GRM5: variants seen among roughly 807,000 people sequenced by gnomAD.
GRM5 encodes glutamate metabotropic receptor 5.
GRM5 carries 19 observed loss-of-function variants against 83.1 expected under a neutral mutation model. The ratio of observed to expected loss-of-function variants is 0.23; its 90% confidence interval spans 0.16 to 0.34. The LOEUF (loss-of-function observed/expected upper bound fraction) is 0.34. Among genes scored for constraint, GRM5 ranks in the 10% least tolerant of loss-of-function variants. The pLI is 1.00. For missense variants in GRM5, 1,160 were observed against 1,588.3 expected (o/e 0.73, Z 4.58); for synonymous variants, 675 against 633.6 (o/e 1.07, Z -0.98).
In GRM5 at chr11:88,878,116, C is replaced by T. The variant is rs368171955; in HGVS notation, c.662-27961G>A. Among the ~76,000 whole-genome samples, 357 of 152,224 alleles carry T rather than the reference C, an allele frequency of 2.3e-3. 2 individuals are homozygous for T. Among genetic ancestry groups the T allele is most frequent in the African/African-American group, 8.3e-3 (345 of 41,554 alleles). The stretch of plus-strand genomic sequence containing the variant: ...GCAATTTATGTTCACAGAAAATCTA[C>T]ACAAGGTTTATTTATTTACTCCAGG... On this transcript the variant is annotated intron_variant, in intron 2 of 9. Coordinates refer to ENST00000305447, the MANE Select transcript of GRM5 (RefSeq NM_001143831.3).
At chr11:88,929,404 T>C (rs953154170) in intron 2 of GRM5, among the ~76,000 whole-genome samples, 2 of 152,122 alleles carry the variant, frequency 1.3e-5, no homozygotes, top group African/African-American at 4.8e-5. Context: ...AAATTAAAAA[T>C]ACATTTAATA....
At chr11:89,053,225 G>A (rs1305361550) in intron 1 of GRM5, among the ~76,000 whole-genome samples, 11 of 152,038 alleles carry the variant, frequency 7.2e-5, no homozygotes, top group African/African-American at 2.7e-4. Flanking sequence ...TCTAGTACAA[G>A]TGTATTTACA....
At chr11:88,779,643 G>C (rs912269506) in intron 3 of GRM5, among the ~76,000 whole-genome samples, 1 of 151,932 alleles carries the variant, frequency 6.6e-6, no homozygotes, top group African/African-American at 2.4e-5. Context: ...ACCCACCCAC[G>C]CACAGAGCTA....
At chr11:88,632,023 T>C (rs1467462007) in intron 4 of GRM5, among the ~76,000 whole-genome samples, 1 of 152,130 alleles carries the variant, frequency 6.6e-6, no homozygotes, top group Non-Finnish European at 1.5e-5. Context: ...CTGCACATAT[T>C]GAAACTGAAC....
chr11:88,690,210 T>C (rs549613272), intron 3 of GRM5, among the ~76,000 whole-genome samples: 1 of 149,592 alleles, frequency 6.7e-6, no homozygotes, highest in African/African-American at 2.4e-5. Context: ...TTCTGCTTTA[T>C]GATTAAATCA....
In GRM5 at chr11:88,951,889, C is replaced by T. The variant is rs573784586; in HGVS notation, c.661+95323G>A. On this transcript the variant is annotated intron_variant, in intron 2 of 9. Coordinates refer to ENST00000305447, the MANE Select transcript of GRM5 (RefSeq NM_001143831.3). ...ACATTATTAAAGAAACTATGCATTA[C>T]TTCACTTCTCAAGCACGGGTTTCAT... Among the ~76,000 whole-genome samples the T allele has an allele frequency of 3.0e-4, 46 of 152,252 alleles. 1 individual carries two copies. Among genetic ancestry groups the T allele is most frequent in the African/African-American group, 1.0e-3 (42 of 41,564 alleles).
chr11:88,850,714 G>A (rs1238154363), intron 2 of GRM5, among the ~76,000 whole-genome samples: 1 of 151,504 alleles, frequency 6.6e-6, no homozygotes, highest in African/African-American at 2.4e-5. Context: ...TGAGATCCTT[G>A]CTTAAGATTT....
intron 4 of GRM5, among the ~76,000 whole-genome samples, chr11:88,648,985 A>C (rs1352828386): frequency 1.4e-5 from 2 of 146,410 alleles, no homozygotes; most frequent in Non-Finnish European, 3.0e-5. Context: ...GGAAACCCTA[A>C]GAAAGTAATA....
chr11:89,023,890 TAAATAAAA>T (rs1418153474), intron 2 of GRM5, among the ~76,000 whole-genome samples: 43 of 140,914 alleles, frequency 3.1e-4, no homozygotes, highest in African/African-American at 6.4e-4. Flanking sequence ...AATAAATAAA[TAAATAAAA>T]ATAAATTTTA....
intron 2 of GRM5, among the ~76,000 whole-genome samples, chr11:89,021,734 A>AT (rs1215141812): frequency 6.6e-6 from 1 of 152,150 alleles, no homozygotes; most frequent in Non-Finnish European, 1.5e-5. Context: ...TAGACTCTAT[A>AT]TTTTTTGGGC....
intron 3 of GRM5, among the ~76,000 whole-genome samples, chr11:88,780,522 A>ATAAT (rs1324968955): frequency 6.6e-5 from 10 of 152,162 alleles, no homozygotes; most frequent in African/African-American, 2.2e-4. Flanking sequence ...AATGGGGATA[A>ATAAT]TAATAGTACT....
intron 9 of GRM5, among the ~76,000 whole-genome samples, chr11:88,523,585 T>C (rs1431143690): frequency 1.3e-5 from 2 of 152,190 alleles, no homozygotes; most frequent in East Asian, 3.9e-4. Flanking sequence ...ATAAAGGGAT[T>C]GTAGGCATAA....
At chr11:88,641,776 C>G (rs760468311) in intron 4 of GRM5, among the ~76,000 whole-genome samples, 29 of 152,292 alleles carry the variant, frequency 1.9e-4, no homozygotes, top group Non-Finnish European at 2.8e-4. Context: ...GGGGTGGGCT[C>G]CCACGGCCTT....
intron 4 of GRM5, among the ~76,000 whole-genome samples, chr11:88,613,401 T>C (rs569552183): frequency 2.6e-5 from 4 of 152,286 alleles, no homozygotes; most frequent in African/African-American, 9.6e-5. Flanking sequence ...TACATATACA[T>C]TTAGGATAGT....
chr11:88,988,775 A>C (rs535172337), intron 2 of GRM5, among the ~76,000 whole-genome samples: 15 of 148,488 alleles, frequency 1.0e-4, no homozygotes, highest in Non-Finnish European at 2.1e-4. Flanking sequence ...TCATAAGTGA[A>C]GGAGAAATAA....
chr11:88,887,070 TC>T (rs1293050702), intron 2 of GRM5, among the ~76,000 whole-genome samples: 7 of 152,102 alleles, frequency 4.6e-5, no homozygotes, highest in Non-Finnish European at 2.9e-5. Context: ...ACCAATTCTC[TC>T]CCTTTTTGCA....
intron 3 of GRM5, among the ~76,000 whole-genome samples, chr11:88,755,797 C>A (rs978738476): frequency 1.3e-5 from 2 of 152,056 alleles, no homozygotes; most frequent in African/African-American, 4.8e-5. Flanking sequence ...TTGAATCTGG[C>A]ACTTTTATTG....
intron 2 of GRM5, among the ~76,000 whole-genome samples, chr11:89,022,467 T>C (rs1056489878): frequency 7.4e-6 from 1 of 134,466 alleles, no homozygotes; most frequent in Non-Finnish European, 1.6e-5. Flanking sequence ...ATGGTGAAAC[T>C]CCGTCCCTAC....
intron 1 of GRM5, among the ~76,000 whole-genome samples, chr11:89,050,586 A>T (rs2135155685): frequency 6.6e-6 from 1 of 152,334 alleles, no homozygotes; most frequent in East Asian, 1.9e-4. Flanking sequence ...CACTGCAGAA[A>T]TTCTATTCAA....
Sources: allele counts gnomAD v4.1 joint callset (sites outside exome capture counted in the v4.1 genomes callset), GRCh38; gene constraint gnomAD v4.1.1; transcripts MANE v1.5; gene names NCBI Gene and HGNC (gene_info 2026-07-23, HGNC 2026-07-21).